OLFML2A: variants seen among roughly 807,000 people sequenced by gnomAD.
OLFML2A encodes olfactomedin-like protein 2A.
OLFML2A carries 47 observed loss-of-function variants against 60.9 expected under a neutral mutation model. The observed-to-expected ratio is 0.77, with a 90% CI of 0.61 to 0.98. The LOEUF is 0.98. Among genes scored for constraint, OLFML2A ranks in the 50% least tolerant of loss-of-function variants. The probability of loss-of-function intolerance (pLI) is 0.00; values close to 1 mark genes in which losing one functional copy is unlikely to be tolerated. For synonymous variants in OLFML2A, 372 were observed against 375.0 expected, an observed-to-expected ratio of 0.99 and a Z score of 0.09; for missense variants, 922 against 879.8, an observed-to-expected ratio of 1.05 and a Z score of -0.61.
At chr9:124,784,457 C>T (rs1052280573) in intron 1 of OLFML2A, among the ~76,000 whole-genome samples, 1 of 152,152 alleles carries the variant, frequency 6.6e-6, no homozygotes, top group Non-Finnish European at 1.5e-5. Context: ...CCGCCTCGGC[C>T]TCCCAAAGTG....
intron 1 of OLFML2A, among the ~76,000 whole-genome samples, chr9:124,784,743 C>T (rs1234451047): frequency 6.6e-6 from 1 of 152,024 alleles, no homozygotes; most frequent in Non-Finnish European, 1.5e-5. Context: ...GCAGCCACTC[C>T]CCATTTCCGT....
In OLFML2A at chr9:124,801,520, TG is replaced by T; in HGVS notation, c.778del (p.Glu260ArgfsTer3). On this transcript the variant is annotated frameshift_variant, in exon 5 of 8. Transcript: ENST00000373580. LOFTEE classifies it high-confidence loss of function. Reference sequence around the variant, plus strand: ...CCTCCCAAGGAGAAGCTGCTTCAGGTGGAGAAGCTGAGAAAGGAGAGCGGCA... The same window carrying T: ...CCTCCCAAGGAGAAGCTGCTTCAGGTGAGAAGCTGAGAAAGGAGAGCGGCA... ...PKPPKEKLLQ[V>X]EKLRKESGKG... is the part of the protein sequence containing the mutation. 1 of 1,614,088 alleles carries T rather than the reference TG, an allele frequency of 6.2e-7. No homozygotes were observed. The highest frequency in any genetic ancestry group is 8.5e-7 in the Non-Finnish European group (1 of 1,180,026).
chr9:124,797,822 C>T (rs1841696402), intron 3 of OLFML2A, among the ~76,000 whole-genome samples: 1 of 152,168 alleles, frequency 6.6e-6, no homozygotes. Flanking sequence ...CCCTAGATAG[C>T]GGGAGGTTCA....
In OLFML2A at chr9:124,777,480, G is replaced by T. The variant is rs1487859885; in HGVS notation, c.90+120G>T. On this transcript the variant is annotated intron_variant, in intron 1 of 7. Transcript: ENST00000373580. This position sits in a 1 kb window ranked among gnomAD's most constrained non-coding sequence, Gnocchi z 6.2. ...AGGGCGGAGGAGCCGGGAGCTGAGA[G>T]ACCGAACCTGGGACTTCTCAGCACT... The T allele has an allele frequency of 9.5e-7, 1 of 1,053,688 alleles. No homozygotes were observed. Among genetic ancestry groups the T allele is most frequent in the Non-Finnish European group, 1.2e-6 (1 of 833,078 alleles). 65.3% of individuals were successfully genotyped at this position (1,053,688 alleles called of 1,614,324 possible). A position where few individuals can be genotyped will look rare whatever the true frequency, so the allele number is the denominator to read the frequency against.
Position 124,804,163 on chromosome 9 carries a change from C to G in OLFML2A, c.989C>G (p.Ala330Gly), listed in dbSNP as rs199918238. Residue 330 changes from alanine (A) to glycine (G), a missense_variant, in exon 6 of 8, where the codon GCA becomes GGA. By Grantham distance (60) the Ala-to-Gly change is moderately conservative. Transcript: ENST00000373580. Reference protein sequence around the residue: ...PPKVEGRSNSAEPNSAEQDEA... With the variant: ...PPKVEGRSNSGEPNSAEQDEA... ...AAGGTGGAGGGCAGGTCCAACTCCG[C>G]AGAGCCCAACTCCGCAGAGCAGGAT... The G allele has an allele frequency of 6.2e-7, 1 of 1,613,862 alleles. No homozygotes were observed. The highest frequency in any genetic ancestry group is 8.5e-7 in the Non-Finnish European group (1 of 1,179,746).
In OLFML2A at chr9:124,807,776, C is replaced by A. The variant is rs201044904; in HGVS notation, c.1169-5C>A. 1.1e-3 allele frequency: 1,724 copies of A among 1,607,318 alleles called. 2 individuals are homozygous for A. The highest frequency in any genetic ancestry group is 1.2e-3 in the Non-Finnish European group (1,433 of 1,177,694). ...TACCGATGCTGCCTGCCCTCCTCCC[C>A]ACAGGCAGAGAGGCGAGCTGTGAGG... On this transcript the variant is annotated splice_region_variant and splice_polypyrimidine_tract_variant and intron_variant, in intron 6 of 7. Transcript: ENST00000373580.
At chr9:124,801,861 C>T (rs1458025788) in intron 5 of OLFML2A, among the ~76,000 whole-genome samples, 198 bp downstream of exon 5, 5 of 152,224 alleles carry the variant, frequency 3.3e-5, no homozygotes, top group Non-Finnish European at 7.3e-5. Flanking sequence ...AACCAACCTG[C>T]AGGGCCACTC....
chr9:124,804,111 A>T lies in OLFML2A; in HGVS notation c.937A>T (p.Thr313Ser). The T allele has an allele frequency of 6.2e-7, 1 of 1,614,092 alleles. No individual in the cohort carries two copies. The change falls in exon 6 of 8, where the codon ACT becomes TCT. Residue 313 changes from threonine (T) to serine (S), a missense_variant. By Grantham distance (58) the Thr-to-Ser change is moderately conservative. Coordinates refer to ENST00000373580, the MANE Select transcript of OLFML2A (RefSeq NM_182487.4). ...EAVADNTLQGTSWLEQLPPKV... is the reference protein window; with the variant it reads ...EAVADNTLQGSSWLEQLPPKV... ...CTCTGCAGACAACACCCTCCAGGGC[A>T]CTTCCTGGCTGGAGCAACTGCCGCC...
chr9:124,784,507 T>C (rs1211477348), intron 1 of OLFML2A, among the ~76,000 whole-genome samples: 1 of 152,138 alleles, frequency 6.6e-6, no homozygotes, highest in African/African-American at 2.4e-5. Context: ...CGGCCAGAGA[T>C]ATTATTTAAA....
intron 6 of OLFML2A, among the ~76,000 whole-genome samples, chr9:124,807,419 G>A (rs1005257619): frequency 4.0e-5 from 6 of 151,162 alleles, no homozygotes; most frequent in African/African-American, 7.3e-5. Flanking sequence ...GAGTAGCTAC[G>A]ATTACAGGCA....
chr9:124,791,513 G>A (rs1841567635), intron 2 of OLFML2A, among the ~76,000 whole-genome samples: 1 of 152,130 alleles, frequency 6.6e-6, no homozygotes. Flanking sequence ...AAGACAGGTG[G>A]ATCACCTGAG....
At chr9:124,794,550 G>A (rs1841628997) in intron 2 of OLFML2A, among the ~76,000 whole-genome samples, 1 of 152,134 alleles carries the variant, frequency 6.6e-6, no homozygotes, top group Non-Finnish European at 1.5e-5. Context: ...GCTGGGGCTG[G>A]TGAGTGCTCA....
Position 124,801,550 on chromosome 9 carries a change from G to T in OLFML2A, c.806G>T (p.Gly269Val), listed in dbSNP as rs751158210. 1.9e-6 allele frequency: 3 copies of T among 1,613,986 alleles called. No homozygotes were observed. The highest frequency in any genetic ancestry group is 1.7e-6 in the Non-Finnish European group (2 of 1,180,032). ...VEKLRKESGK[G>V]SFLQPTAKPR... ...AAGCTGAGAAAGGAGAGCGGCAAGG[G>T]CAGTTTCCTCCAGCCCACAGCCAAG... Residue 269 changes from glycine to valine, a missense_variant, in exon 5 of 8, where the codon GGC becomes GTC. Transcript: ENST00000373580.
chr9:124,799,343 T>G lies in OLFML2A; in HGVS notation c.521T>G (p.Leu174Arg), dbSNP rs759868832. The G allele has an allele frequency of 9.1e-5, 147 of 1,613,588 alleles. 1 individual carries two copies. In the Middle Eastern group the frequency reaches 3.3e-3, roughly 36 times the overall value. ...NEVVKDSVRH[L>R]SEQLRHYENH... is the part of the protein sequence containing the mutation. ...GTGGTGAAGGACAGCGTGCGCCACCTCAGTGAGCAGTTGAGGCACTATGAG... is the reference window on the plus strand; with the variant it reads ...GTGGTGAAGGACAGCGTGCGCCACCGCAGTGAGCAGTTGAGGCACTATGAG... Residue 174 changes from leucine to arginine, a missense_variant, in exon 4 of 8, where the codon CTC (leucine) becomes CGC (arginine). Transcript: ENST00000373580.
intron 2 of OLFML2A, among the ~76,000 whole-genome samples, chr9:124,794,589 G>A (rs1841629848): frequency 6.6e-6 from 1 of 152,138 alleles, no homozygotes; most frequent in African/African-American, 2.4e-5. Context: ...CTGAGGCTCT[G>A]GGGTTGTGGA....
At chr9:124,788,958 G>C (rs939970787) in intron 2 of OLFML2A, among the ~76,000 whole-genome samples, 14 of 152,008 alleles carry the variant, frequency 9.2e-5, no homozygotes, top group African/African-American at 3.4e-4. Flanking sequence ...TTTGAGGCAG[G>C]GTCTTGCTCT....
At chr9:124,803,502 C>A (rs543321668) in intron 5 of OLFML2A, among the ~76,000 whole-genome samples, 12 of 151,968 alleles carry the variant, frequency 7.9e-5, no homozygotes, top group African/African-American at 2.9e-4. Context: ...TGGGCTCAAG[C>A]GATCTGCCGG....
At chr9:124,805,808 G>GTTTTTTTTTTTTT (rs59555267) in intron 6 of OLFML2A, among the ~76,000 whole-genome samples, 2 of 71,264 alleles carry the variant, frequency 2.8e-5, no homozygotes, top group Non-Finnish European at 5.0e-5. Context: ...GGTTTTTTTG[G>GTTTTTTTTTTTTT]TTTTTTTTTT....
intron 6 of OLFML2A, 144 bp from the exon 7 acceptor site, chr9:124,807,637 T>A: frequency 1.6e-6 from 1 of 624,514 alleles, no homozygotes; most frequent in Non-Finnish European, 2.7e-6. Context: ...GGCATTGTTT[T>A]GATGATGAGG....
Sources: allele counts gnomAD v4.1 joint callset (sites outside exome capture counted in the v4.1 genomes callset), GRCh38; gene constraint gnomAD v4.1.1; non-coding constraint Gnocchi (gnomAD v3.1); transcripts MANE v1.5; gene names NCBI Gene and HGNC (gene_info 2026-07-23, HGNC 2026-07-21).